OR1J2: variants seen among roughly 807,000 people sequenced by gnomAD.
OR1J2 encodes olfactory receptor 1J2.
For synonymous variants in OR1J2, 142 were observed against 99.7 expected, an observed-to-expected ratio of 1.42 and a Z score of -2.52; for missense variants, 304 against 246.1, an observed-to-expected ratio of 1.24 and a Z score of -1.57.
At chr9:122,492,458 A>G in the OR1J2 span, among the ~76,000 whole-genome samples, 135 of 152,266 alleles carry the variant, frequency 8.9e-4, no homozygotes, top group African/African-American at 3.2e-3. Flanking sequence ...TGTGATGAAT[A>G]TGCAAGTATA....
the OR1J2 span, among the ~76,000 whole-genome samples, chr9:122,505,380 T>C: frequency 1.3e-5 from 2 of 152,254 alleles, no homozygotes; most frequent in East Asian, 3.9e-4. Context: ...CTTACAAAGC[T>C]ACCAGTCTCG....
the OR1J2 span, among the ~76,000 whole-genome samples, chr9:122,543,375 G>A: frequency 3.9e-5 from 6 of 152,030 alleles, no homozygotes; most frequent in African/African-American, 1.4e-4. Context: ...GCTAATTTTT[G>A]TATTTTTTGT....
chr9:122,490,526 CT>C, the OR1J2 span, among the ~76,000 whole-genome samples: 1 of 152,048 alleles, frequency 6.6e-6, no homozygotes, highest in Non-Finnish European at 1.5e-5. Flanking sequence ...AGCAAGTAGG[CT>C]TGTAGAAAGT....
the OR1J2 span, among the ~76,000 whole-genome samples, chr9:122,449,503 G>A: frequency 3.6e-3 from 550 of 152,180 alleles, 2 homozygotes; most frequent in African/African-American, 0.013. Flanking sequence ...CCGAGTAGCT[G>A]GGACTACAGG....
the OR1J2 span, among the ~76,000 whole-genome samples, chr9:122,546,653 G>T: frequency 6.6e-6 from 1 of 152,032 alleles, no homozygotes; most frequent in African/African-American, 2.4e-5. Context: ...CAATATAAAT[G>T]GCAGGTAAAT....
the OR1J2 span, among the ~76,000 whole-genome samples, chr9:122,533,748 G>C: frequency 2.0e-5 from 3 of 152,164 alleles, no homozygotes; most frequent in African/African-American, 7.2e-5. Flanking sequence ...AGAGGCAAGG[G>C]AAACAGGCCC....
chr9:122,459,705 A>T, the OR1J2 span, among the ~76,000 whole-genome samples: 1 of 152,164 alleles, frequency 6.6e-6, no homozygotes, highest in Non-Finnish European at 1.5e-5. Flanking sequence ...CTTTAAAAAA[A>T]TTTCAATAAG....
At chr9:122,491,791 G>A in the OR1J2 span, among the ~76,000 whole-genome samples, 12 of 152,118 alleles carry the variant, frequency 7.9e-5, no homozygotes, top group Admixed American at 4.6e-4. Flanking sequence ...AGAGTGGGAA[G>A]GAAGGACCTT....
chr9:122,537,941 G>A, the OR1J2 span, among the ~76,000 whole-genome samples: 1 of 152,164 alleles, frequency 6.6e-6, no homozygotes, highest in South Asian at 2.1e-4. Context: ...TTTGCATAAG[G>A]TGCGAATTTC....
the OR1J2 span, among the ~76,000 whole-genome samples, chr9:122,504,416 T>C: frequency 6.6e-6 from 1 of 152,204 alleles, no homozygotes; most frequent in African/African-American, 2.4e-5. Context: ...CAGAATCTTA[T>C]CTTGTTCTAG....
chr9:122,473,102 A>C, the OR1J2 span, among the ~76,000 whole-genome samples: 1 of 152,282 alleles, frequency 6.6e-6, no homozygotes, highest in Admixed American at 6.5e-5. Flanking sequence ...ATTCCTGTCC[A>C]CATTTCCCAG....
the OR1J2 span, among the ~76,000 whole-genome samples, chr9:122,523,471 G>C: frequency 1.3e-5 from 2 of 152,268 alleles, no homozygotes; most frequent in East Asian, 3.9e-4. Context: ...GGTAACCAAC[G>C]TGTGAGATGG....
At chr9:122,575,831 A>G in the OR1J2 span, among the ~76,000 whole-genome samples, 4 of 152,224 alleles carry the variant, frequency 2.6e-5, no homozygotes, top group Admixed American at 2.6e-4. Context: ...CATGTTGTAC[A>G]TTAGATCTCT....
chr9:122,478,509 C>T, the OR1J2 span, among the ~76,000 whole-genome samples: 1 of 152,030 alleles, frequency 6.6e-6, no homozygotes, highest in African/African-American at 2.4e-5. Context: ...TTTATAGACC[C>T]CTAATCTTTT....
chr9:122,495,947 T>C, the OR1J2 span, among the ~76,000 whole-genome samples: 1 of 152,148 alleles, frequency 6.6e-6, no homozygotes, highest in African/African-American at 2.4e-5. Flanking sequence ...GTAGTGATTG[T>C]TTTTCCTCTT....
the OR1J2 span, among the ~76,000 whole-genome samples, chr9:122,464,783 T>A: frequency 1.3e-5 from 2 of 152,196 alleles, no homozygotes; most frequent in African/African-American, 4.8e-5. Flanking sequence ...TCCCTCCCTT[T>A]GGTAGCAGCT....
chr9:122,554,109 A>G, the OR1J2 span: 4 of 1,613,812 alleles, frequency 2.5e-6, no homozygotes, highest in Non-Finnish European at 1.7e-6. Flanking sequence ...GAACAGAGAC[A>G]TGAAGGAGGC....
the OR1J2 span, among the ~76,000 whole-genome samples, chr9:122,466,716 C>T: frequency 6.6e-6 from 1 of 152,182 alleles, no homozygotes; most frequent in African/African-American, 2.4e-5. Flanking sequence ...ATCTCTTCTC[C>T]CATCTGAGAC....
the OR1J2 span, among the ~76,000 whole-genome samples, chr9:122,518,062 T>G: frequency 6.6e-6 from 1 of 152,160 alleles, no homozygotes; most frequent in South Asian, 2.1e-4. Flanking sequence ...TTTATGTATG[T>G]TCATTGCAGC....
Sources: gnomAD v4.1 joint callset for allele counts (sites outside exome capture counted in the v4.1 genomes callset) on GRCh38, gnomAD v4.1.1 for gene constraint, MANE v1.5 for transcripts, NCBI Gene and HGNC (gene_info 2026-07-23, HGNC 2026-07-21) for gene names.